NOXRED1: variants seen among roughly 807,000 people sequenced by gnomAD.
NOXRED1 encodes the protein NADP-dependent oxidoreductase domain-containing protein 1.
In NOXRED1, 20 loss-of-function variants were observed where a neutral mutation model predicts 30.4. The observed-to-expected ratio is 0.66, with a 90% CI of 0.46 to 0.96. The LOEUF is 0.96. Among genes scored for constraint, NOXRED1 ranks in the 40% least tolerant of loss-of-function variants. The pLI is 0.00. For missense variants in NOXRED1, 374 were observed against 428.0 expected (o/e 0.87, Z 1.11); for synonymous variants, 155 against 168.0 (o/e 0.92, Z 0.60).
upstream of NOXRED1, among the ~76,000 whole-genome samples, chr14:77,425,850 G>GC (rs1195649732): frequency 2.6e-5 from 4 of 152,264 alleles, no homozygotes; most frequent in African/African-American, 9.6e-5. Context: ...TTGCCTTAAG[G>GC]CATGGCATGT....
Position 77,423,500 on chromosome 14 carries a change from G to A in NOXRED1, c.-611C>T, listed in dbSNP as rs1895055544. On this transcript the variant is annotated 5_prime_UTR_variant, in exon 1 of 6. Coordinates refer to ENST00000380835, the MANE Select transcript of NOXRED1 (RefSeq NM_001113475.3). ...CAGAGAAGATTGGCTCTGCTCCTCAGTACTTCTGATCCTGGAAGGTAAGAA... is the reference window on the plus strand; with the variant it reads ...CAGAGAAGATTGGCTCTGCTCCTCAATACTTCTGATCCTGGAAGGTAAGAA... 1 of 151,628 alleles carries A rather than the reference G, an allele frequency of 6.6e-6. No homozygotes were observed. The highest frequency in any genetic ancestry group is 2.1e-4 in the South Asian group (1 of 4,790). 9.4% of individuals were successfully genotyped at this position (151,628 alleles called of 1,614,324 possible). A position where few individuals can be genotyped will look rare whatever the true frequency, so the allele number is the denominator to read the frequency against.
intron 1 of NOXRED1, among the ~76,000 whole-genome samples, chr14:77,419,694 C>A (rs1239435966): frequency 6.6e-6 from 1 of 151,608 alleles, no homozygotes; most frequent in Non-Finnish European, 1.5e-5. Flanking sequence ...GTGATCCGCC[C>A]CCCTCAGCCT....
intron 1 of NOXRED1, among the ~76,000 whole-genome samples, chr14:77,418,646 C>G (rs1894900269): frequency 6.6e-6 from 1 of 152,008 alleles, no homozygotes; most frequent in East Asian, 1.9e-4. Context: ...CCTCCCACAT[C>G]AGACTACCAC....
At position 77,422,792 on chromosome 14, in the gene NOXRED1, A is replaced by G; in HGVS notation, c.98T>C (p.Leu33Pro). 6.2e-7 allele frequency: 1 copy of G among 1,614,172 alleles called. No individual in the cohort carries two copies. ...TGCATGGGCACAAGCCTCGATCATC[A>G]GTCCCCGAGAACGGCCCTGCAAATA... ...WLYLQGRSRG[L>P]MIEACAHATF... is the part of the protein sequence containing the mutation. Residue 33 changes from leucine (L) to proline (P), a missense_variant, in exon 1 of 6, where the codon CTG becomes CCG. Physicochemically the swap from Leu to Pro is moderately conservative, Grantham distance 98. Coordinates refer to ENST00000380835, the MANE Select transcript of NOXRED1 (RefSeq NM_001113475.3).
upstream of NOXRED1, among the ~76,000 whole-genome samples, chr14:77,425,368 C>T (rs1358194372): frequency 1.3e-5 from 2 of 152,040 alleles, no homozygotes; most frequent in African/African-American, 4.8e-5. Flanking sequence ...CTCTAACAAA[C>T]AGCAGATATA....
Position 77,407,577 on chromosome 14 carries a change from T to A in NOXRED1, c.418A>T (p.Ile140Leu), listed in dbSNP as rs147504601. 1 of 1,614,004 alleles carries A rather than the reference T, an allele frequency of 6.2e-7. No individual in the cohort carries two copies. The highest frequency in any genetic ancestry group is 1.7e-5 in the Admixed American group (1 of 59,998). Residue 140 changes from isoleucine to leucine, a missense_variant, in exon 3 of 6, where the codon ATA (isoleucine) becomes TTA (leucine). Physicochemically the swap from Ile to Leu is conservative, Grantham distance 5. Transcript: ENST00000380835. ...TGAGACGGCAAGCAGCAGAGGAATA[T>A]CACATCGGCCCAACTCACCAGATCA... ...NADLVSWADV[I>L]FLCCLPSQLP...
chr14:77,420,115 C>T (rs1894948542), intron 1 of NOXRED1, among the ~76,000 whole-genome samples: 2 of 152,112 alleles, frequency 1.3e-5, no homozygotes, highest in South Asian at 4.1e-4. Flanking sequence ...CATATATTGA[C>T]CCACTTGATA....
At chr14:77,422,117 G>A (rs1241017054) in intron 1 of NOXRED1, among the ~76,000 whole-genome samples, 1 of 152,204 alleles carries the variant, frequency 6.6e-6, no homozygotes, top group Non-Finnish European at 1.5e-5. Context: ...AGTAGAGTGA[G>A]GAGGTGACAT....
intron 1 of NOXRED1, among the ~76,000 whole-genome samples, chr14:77,420,388 G>GT (rs972341251): frequency 4.0e-5 from 6 of 149,608 alleles, no homozygotes; most frequent in Middle Eastern, 3.4e-3. Context: ...GTTTTGTTTT[G>GT]TTTTTTCAGA....
chr14:77,399,400 TGA>T (rs1469929164), intron 5 of NOXRED1, among the ~76,000 whole-genome samples: 1 of 151,956 alleles, frequency 6.6e-6, no homozygotes, highest in Non-Finnish European at 1.5e-5. Context: ...CAGTGAGCAG[TGA>T]TCATGCCACT....
chr14:77,424,814 G>A (rs1895084862), upstream of NOXRED1, among the ~76,000 whole-genome samples: 4 of 152,200 alleles, frequency 2.6e-5, no homozygotes. Context: ...CAGTTAAGGT[G>A]GACCACCAGA....
chr14:77,406,815 A>G lies in NOXRED1; in HGVS notation c.591T>C (p.Asp197=), dbSNP rs1346074223. ...TATTGGCCCCCCAGACGCTGACAGA[A>G]TCTTCATCATACTGATACTGAGGCC... is the stretch of plus-strand genomic sequence containing the variant. ...ILRPQYQYDE[D]SVSVWGANKG... The change falls in exon 4 of 6, where the codon GAT becomes GAC. Residue 197 remains aspartate (D), a synonymous_variant. Coordinates refer to ENST00000380835, the MANE Select transcript of NOXRED1 (RefSeq NM_001113475.3). The G allele has an allele frequency of 3.1e-6, 5 of 1,613,964 alleles. No individual in the cohort carries two copies. The highest frequency in any genetic ancestry group is 3.4e-6 in the Non-Finnish European group (4 of 1,179,946).
rs1246853973 is a variant in NOXRED1, at chr14:77,422,934, G to A, written c.-45C>T. ...GCAGTGATAGACACTAATCAATTTG[G>A]CTCCCTGTCCCGGTAGAAGAGGGGT... On this transcript the variant is annotated 5_prime_UTR_variant, in exon 1 of 6. Transcript: ENST00000380835. The A allele has an allele frequency of 6.4e-7, 1 of 1,558,732 alleles. No individual in the cohort carries two copies. Among genetic ancestry groups the A allele is most frequent in the African/African-American group, 1.4e-5 (1 of 73,122 alleles).
rs764559169 is a variant in NOXRED1, at chr14:77,407,613, A to G, written c.382T>C (p.Tyr128His). 3 of 1,614,144 alleles carry G rather than the reference A, an allele frequency of 1.9e-6. No homozygotes were observed. Among genetic ancestry groups the G allele is most frequent in the Non-Finnish European group, 2.5e-6 (3 of 1,179,970 alleles). ...ELQKLGIKCFYHNADLVSWAD... is the reference protein window; with the variant it reads ...ELQKLGIKCFHHNADLVSWAD... ...CAACTCACCAGATCAGCGTTATGGT[A>G]AAAGCATTTGATTCCCAGCTTCTGG... The change falls in exon 3 of 6, where the codon TAC becomes CAC. Residue 128 changes from tyrosine (Y) to histidine (H), a missense_variant. Coordinates refer to ENST00000380835, the MANE Select transcript of NOXRED1 (RefSeq NM_001113475.3).
At position 77,394,472 on chromosome 14, in the gene NOXRED1, A is replaced by G. The variant is rs1471688197; in HGVS notation, c.*159T>C. 2.1e-6 allele frequency: 1 copy of G among 478,536 alleles called. No individual in the cohort carries two copies. The highest frequency in any genetic ancestry group is 2.0e-5 in the African/African-American group (1 of 50,944). The allele number at this position is 478,536 out of a possible 1,614,324, so 29.6% of individuals were successfully genotyped here. On this transcript the variant is annotated 3_prime_UTR_variant, in exon 6 of 6. Coordinates refer to ENST00000380835, the MANE Select transcript of NOXRED1 (RefSeq NM_001113475.3). ...GATAGGACCACTTGTTTTATTCTAC[A>G]TTTTAAAGAGTCATCAGTACAGTTT...
In NOXRED1 at chr14:77,404,617, AAAG is replaced by A. The variant is rs145890537; in HGVS notation, c.905+1293_905+1295del. 5.0e-3 allele frequency among the ~76,000 whole-genome samples: 762 copies of A among 152,266 alleles called. 7 individuals are homozygous for A. Among genetic ancestry groups the A allele is most frequent in the African/African-American group, 0.017 (724 of 41,556 alleles). On this transcript the variant is annotated intron_variant, in intron 5 of 5. Transcript: ENST00000380835. ...TCACCGGGAACAAAGTATAGAATGA[AAAG>A]AAGTATAGCATGAAAAGAAAAGGGC...
intron 1 of NOXRED1, among the ~76,000 whole-genome samples, chr14:77,417,258 G>C (rs566247727): frequency 6.6e-6 from 1 of 152,110 alleles, no homozygotes; most frequent in Non-Finnish European, 1.5e-5. Flanking sequence ...TGAAAAGAAC[G>C]TGTATTCTGC....
chr14:77,411,347 G>A (rs1192821326), intron 2 of NOXRED1, among the ~76,000 whole-genome samples: 1 of 151,546 alleles, frequency 6.6e-6, no homozygotes, highest in Non-Finnish European at 1.5e-5. Context: ...GTGAGCGCAT[G>A]TAATCCCAAC....
chr14:77,406,590 TACACACACACACACACACACACACACAC>T (rs56942412), intron 4 of NOXRED1, 106 bp downstream of exon 4: 23 of 773,544 alleles, frequency 3.0e-5, no homozygotes, highest in Non-Finnish European at 4.5e-5. Flanking sequence ...CCTTGTGCCT[TACACACACACACACACACACACACACAC>T]ACACACACAC....
Sources: allele counts gnomAD v4.1 joint callset (sites outside exome capture counted in the v4.1 genomes callset), GRCh38; gene constraint gnomAD v4.1.1; transcripts MANE v1.5; gene names NCBI Gene and HGNC (gene_info 2026-07-23, HGNC 2026-07-21).